Variants in TTC6 observed in about 807,000 individuals in gnomAD.
TTC6 encodes tetratricopeptide repeat protein 6.
In TTC6, 172 loss-of-function variants were observed where a neutral mutation model predicts 210.4. That is an observed-to-expected ratio of 0.82 (90% CI 0.72 to 0.93). TTC6 has a LOEUF of 0.93. TTC6 is among the 40% of genes least tolerant of loss of function. The pLI, the probability that TTC6 is intolerant of heterozygous loss-of-function variation, is 0.00. For missense variants in TTC6, 2,414 were observed against 2,318.1 expected (o/e 1.04, Z -0.85); for synonymous variants, 804 against 819.6 (o/e 0.98, Z 0.32).
intron 5 of TTC6, among the ~76,000 whole-genome samples, chr14:37,707,048 G>C (rs984519867): frequency 6.6e-6 from 1 of 151,738 alleles, no homozygotes; most frequent in East Asian, 1.9e-4. Flanking sequence ...TGTTTTGTCT[G>C]TCAGCATTTG....
At chr14:37,766,808 T>A (rs1454718999) in intron 14 of TTC6, among the ~76,000 whole-genome samples, 1 of 152,156 alleles carries the variant, frequency 6.6e-6, no homozygotes, top group Non-Finnish European at 1.5e-5. Flanking sequence ...TTTTTTATTT[T>A]TTATTATTAT....
chr14:37,808,987 A>G (rs2096124154), intron 24 of TTC6, 141 bp downstream of exon 26: 1 of 432,304 alleles, frequency 2.3e-6, no homozygotes, highest in East Asian at 3.7e-5. Context: ...GCATTTATAA[A>G]GTATTTTCTT....
chr14:37,817,705 C>T (rs1046779635), intron 26 of TTC6, 54 bp downstream of exon 28: 16 of 1,510,686 alleles, frequency 1.1e-5, no homozygotes, highest in Middle Eastern at 3.4e-4. Context: ...TCAGACTTAT[C>T]TAATTATCAC....
intron 1 of TTC6, among the ~76,000 whole-genome samples, chr14:37,669,086 T>C (rs2095753684): frequency 6.6e-6 from 1 of 152,214 alleles, no homozygotes; most frequent in Non-Finnish European, 1.5e-5. Context: ...CCAAAGATTG[T>C]CTTTCTTGCA....
intron 2 of TTC6, among the ~76,000 whole-genome samples, chr14:37,615,205 T>C (rs2095640779): frequency 6.6e-6 from 1 of 152,250 alleles, no homozygotes; most frequent in Non-Finnish European, 1.5e-5. Context: ...ATTTTGTCTT[T>C]GTCTTTGTTT....
At chr14:37,757,096 G>A (rs951704009) in intron 14 of TTC6, among the ~76,000 whole-genome samples, 2 of 152,030 alleles carry the variant, frequency 1.3e-5, no homozygotes, top group African/African-American at 4.8e-5. Context: ...ATGTGTCCAG[G>A]AATTTATCCA....
chr14:37,771,842 C>G (rs11844997), intron 14 of TTC6, among the ~76,000 whole-genome samples: 2,514 of 152,248 alleles, frequency 0.017, 76 homozygotes, highest in African/African-American at 0.058. Flanking sequence ...TTCCGTTGCT[C>G]GTGAGGAACT....
At position 37,807,553 on chromosome 14, in the gene TTC6, G is replaced by T. The variant is rs1595295180; in HGVS notation, c.4455+93G>T. 3 of 1,129,990 alleles carry T rather than the reference G, an allele frequency of 2.7e-6. No individual in the cohort carries two copies. In the South Asian group the frequency reaches 8.4e-5, roughly 32 times the overall value. 70.0% of individuals were successfully genotyped at this position (1,129,990 alleles called of 1,614,324 possible). ...GACTCACTTACTTTTTTTCTATGTG[G>T]TTGGGAATCACTATGATATGAAGGG... On this transcript the variant is annotated intron_variant, in intron 23 of 30. Transcript: ENST00000553443.
intron 1 of TTC6, 148 bp from the exon 4 acceptor site, chr14:37,680,003 C>CT (rs1236176730): frequency 1.8e-6 from 1 of 540,740 alleles, no homozygotes; most frequent in Non-Finnish European, 3.2e-6. Flanking sequence ...ATTGTTTTTT[C>CT]TTTATTCATT....
exon 29 of TTC6, chr14:37,827,323 T>C (rs749066884): frequency 6.2e-7 from 1 of 1,613,200 alleles, no homozygotes; most frequent in Non-Finnish European, 8.5e-7. Flanking sequence ...CTGGCTTACT[T>C]TAATGCAGGA....
chr14:37,829,926 G>C (rs2096180671), intron 29 of TTC6, among the ~76,000 whole-genome samples: 1 of 151,928 alleles, frequency 6.6e-6, no homozygotes, highest in Admixed American at 6.6e-5. Context: ...GCACATTTTA[G>C]TCTTAGTTCT....
intron 5 of TTC6, among the ~76,000 whole-genome samples, chr14:37,702,913 A>T (rs896820453): frequency 2.0e-5 from 3 of 152,214 alleles, no homozygotes; most frequent in South Asian, 2.1e-4. Flanking sequence ...GCAAAAAAAA[A>T]TTTTTAGGAT....
intron 3 of TTC6, among the ~76,000 whole-genome samples, chr14:37,688,059 G>T (rs926443931): frequency 2.6e-5 from 4 of 152,118 alleles, no homozygotes; most frequent in Non-Finnish European, 5.9e-5. Context: ...TCAGAGGGAA[G>T]CCCACTCCCC....
intron 29 of TTC6, among the ~76,000 whole-genome samples, chr14:37,833,573 A>G (rs1361497946): frequency 4.6e-5 from 7 of 152,112 alleles, no homozygotes; most frequent in African/African-American, 1.7e-4. Context: ...TATATCTTTT[A>G]ATTGGGAAAT....
At chr14:37,703,114 A>G (rs2095828616) in intron 5 of TTC6, among the ~76,000 whole-genome samples, 1 of 152,050 alleles carries the variant, frequency 6.6e-6, no homozygotes, top group Non-Finnish European at 1.5e-5. Context: ...TAGAAAATAA[A>G]TACATAAACA....
chr14:37,689,317 T>G (rs564214625), intron 3 of TTC6, among the ~76,000 whole-genome samples: 118 of 151,932 alleles, frequency 7.8e-4, no homozygotes, highest in African/African-American at 2.7e-3. Flanking sequence ...ACCTACAAAA[T>G]CTATAAAATA....
chr14:37,806,440 T>C (rs1462428176), exon 22 of TTC6: 1 of 1,535,556 alleles, frequency 6.5e-7, no homozygotes, highest in Non-Finnish European at 8.7e-7. Flanking sequence ...CTTTGTAAAG[T>C]GAAACTCCAC....
At chr14:37,728,536 T>A (rs7148752) in intron 7 of TTC6, among the ~76,000 whole-genome samples, 82,367 of 152,092 alleles carry the variant, frequency 0.54, 23,031 homozygotes, top group African/African-American at 0.68. Flanking sequence ...ATGGTCCAGT[T>A]TGGCCTATTC....
At chr14:37,733,144 ACTC>A (rs2095892352) in intron 7 of TTC6, among the ~76,000 whole-genome samples, 1 of 151,934 alleles carries the variant, frequency 6.6e-6, no homozygotes, top group African/African-American at 2.4e-5. Flanking sequence ...ATACCTTTAT[ACTC>A]CTCCAGGAAA....
Sources: gnomAD v4.1 joint callset for allele counts (sites outside exome capture counted in the v4.1 genomes callset) on GRCh38, gnomAD v4.1.1 for gene constraint, MANE v1.5 for transcripts, NCBI Gene and HGNC (gene_info 2026-07-23, HGNC 2026-07-21) for gene names.